The following DTNA variants were observed in gnomAD, a reference collection of about 807,000 sequenced individuals.
DTNA encodes the protein dystrophin-related protein 3.
DTNA carries 43 observed loss-of-function variants against 100.7 expected under a neutral mutation model. The ratio of observed to expected loss-of-function variants is 0.43; its 90% CI spans 0.33 to 0.55. The LOEUF (loss-of-function observed/expected upper bound fraction) is 0.55, where lower values mean the gene tolerates loss of function less well. DTNA is among the 20% of genes least tolerant of loss of function. The pLI is 0.04. For synonymous variants in DTNA, 349 were observed against 347.9 expected (o/e 1.00, Z -0.04); for missense variants, 798 against 953.9 (o/e 0.84, Z 2.15).
chr18:34,806,381 G>A, intron 5 of DTNA, 77 bp downstream of exon 5: 1 of 1,154,792 alleles, frequency 8.7e-7, no homozygotes, highest in Non-Finnish European at 1.3e-6. Flanking sequence ...ATTCCTCTAT[G>A]TCCCCTCCCC....
chr18:34,653,432 G>C (rs2073900696), intron 1 of DTNA, among the ~76,000 whole-genome samples: 1 of 151,818 alleles, frequency 6.6e-6, no homozygotes, highest in African/African-American at 2.4e-5. Flanking sequence ...TCTCTATAGT[G>C]AATACTATAG....
chr18:34,584,792 A>G (rs1394845588), intron 1 of DTNA, among the ~76,000 whole-genome samples: 5 of 152,200 alleles, frequency 3.3e-5, no homozygotes, highest in African/African-American at 9.6e-5. Flanking sequence ...AGAAGAAATC[A>G]TAAGTGTTTT....
chr18:34,868,808 T>G (rs2096735165), intron 17 of DTNA: 1 of 973,644 alleles, frequency 1.0e-6, no homozygotes. Flanking sequence ...TTTACAAAAC[T>G]TGAATTGAAG....
chr18:34,655,062 TC>T (rs2074170477), intron 1 of DTNA, among the ~76,000 whole-genome samples: 3 of 152,040 alleles, frequency 2.0e-5, no homozygotes, highest in Admixed American at 2.0e-4. Flanking sequence ...ATTAAGAAAT[TC>T]TTTTACTAAC....
chr18:34,568,013 G>A (rs2047238474), intron 1 of DTNA, among the ~76,000 whole-genome samples: 1 of 151,898 alleles, frequency 6.6e-6, no homozygotes, highest in South Asian at 2.1e-4. Context: ...TGGAGAGAAT[G>A]CTCTTTGAAA....
At chr18:34,828,579 C>A (rs2095917313) in intron 10 of DTNA, among the ~76,000 whole-genome samples, 1 of 152,170 alleles carries the variant, frequency 6.6e-6, no homozygotes, top group Non-Finnish European at 1.5e-5. Context: ...GATTTGAAGA[C>A]AATGAGACTA....
At chr18:34,818,881 G>A (rs1204785042) in intron 8 of DTNA, among the ~76,000 whole-genome samples, 1 of 152,146 alleles carries the variant, frequency 6.6e-6, no homozygotes, top group African/African-American at 2.4e-5. Flanking sequence ...AAGAGTGTGA[G>A]TGACCAACCT....
intron 22 of DTNA, among the ~76,000 whole-genome samples, chr18:34,886,962 A>G (rs1808695991): frequency 6.6e-6 from 1 of 152,232 alleles, no homozygotes; most frequent in African/African-American, 2.4e-5. Context: ...TTCTGGCTGT[A>G]CTGCAAGACC....
intron 1 of DTNA, among the ~76,000 whole-genome samples, chr18:34,574,869 C>T (rs2146509855): frequency 6.6e-6 from 1 of 152,224 alleles, no homozygotes; most frequent in Non-Finnish European, 1.5e-5. Context: ...TATTTCCTGG[C>T]CTCAATTGAT....
chr18:34,666,824 G>A (rs983951356), intron 1 of DTNA, among the ~76,000 whole-genome samples: 1 of 152,140 alleles, frequency 6.6e-6, no homozygotes, highest in African/African-American at 2.4e-5. Flanking sequence ...GGTTACTGTA[G>A]CCTTGTGGTA....
intron 1 of DTNA, among the ~76,000 whole-genome samples, chr18:34,688,366 G>A (rs1191668678): frequency 6.6e-6 from 1 of 152,146 alleles, no homozygotes; most frequent in East Asian, 1.9e-4. Flanking sequence ...GTATTTGCTT[G>A]TCTGTAAGGG....
intron 1 of DTNA, among the ~76,000 whole-genome samples, chr18:34,700,551 C>T (rs558773293): frequency 2.0e-5 from 3 of 152,340 alleles, no homozygotes; most frequent in Admixed American, 6.5e-5. Context: ...TCCCTACCTC[C>T]TGTCCTGCCA....
At chr18:34,648,010 A>G (rs1183426706) in intron 1 of DTNA, among the ~76,000 whole-genome samples, 2 of 152,256 alleles carry the variant, frequency 1.3e-5, no homozygotes, top group African/African-American at 4.8e-5. Context: ...CTGAGGAAAT[A>G]ATATTGACAT....
At chr18:34,631,486 A>G (rs1327109749) in intron 1 of DTNA, among the ~76,000 whole-genome samples, 2 of 152,198 alleles carry the variant, frequency 1.3e-5, no homozygotes, top group Non-Finnish European at 2.9e-5. Context: ...CACTGTTGAT[A>G]TTTGAAAGAG....
At chr18:34,654,816 T>G (rs1328403553) in intron 1 of DTNA, among the ~76,000 whole-genome samples, 1 of 152,062 alleles carries the variant, frequency 6.6e-6, no homozygotes, top group Non-Finnish European at 1.5e-5. Flanking sequence ...AACCTCCGCC[T>G]CCTGGGTTCA....
intron 9 of DTNA, among the ~76,000 whole-genome samples, chr18:34,824,584 T>C (rs2095810537): frequency 6.6e-6 from 1 of 152,084 alleles, no homozygotes; most frequent in Non-Finnish European, 1.5e-5. Context: ...AAAAAAATGC[T>C]GTTAGTCCTC....
intron 6 of DTNA, among the ~76,000 whole-genome samples, chr18:34,813,324 C>G (rs1197710869): frequency 6.6e-6 from 1 of 151,738 alleles, no homozygotes; most frequent in African/African-American, 2.4e-5. Flanking sequence ...TAAAACATAG[C>G]CAGGCATGGT....
At position 34,770,568 on chromosome 18, in the gene DTNA, A is replaced by G. The variant is rs551538985; in HGVS notation, c.148+4527A>G. 2.8e-4 allele frequency among the ~76,000 whole-genome samples: 42 copies of G among 152,190 alleles called. 1 individual carries two copies. The highest frequency in any genetic ancestry group is 1.3e-3 in the Admixed American group (20 of 15,284). On this transcript the variant is annotated intron_variant, in intron 3 of 22. Coordinates refer to ENST00000444659, the MANE Select transcript of DTNA (RefSeq NM_001386795.1). ...TTTATTTTCTTCTGTTCAATTCCTA[A>G]TGTATGCTGAGAATAGTCAGTTCCC...
chr18:34,616,091 T>C (rs2055224485), intron 1 of DTNA, among the ~76,000 whole-genome samples: 1 of 152,248 alleles, frequency 6.6e-6, no homozygotes, highest in African/African-American at 2.4e-5. Context: ...TATATTCCTT[T>C]GGGTGTATAC....
Sources: gnomAD v4.1 joint callset for allele counts (sites outside exome capture counted in the v4.1 genomes callset) on GRCh38, gnomAD v4.1.1 for gene constraint, MANE v1.5 for transcripts, NCBI Gene and HGNC (gene_info 2026-07-23, HGNC 2026-07-21) for gene names.